Variants in ROBO2 observed in about 807,000 individuals in gnomAD.
ROBO2 encodes roundabout guidance receptor 2.
A neutral mutation model predicts 160.8 loss-of-function variants in ROBO2; 53 were observed. The observed-to-expected ratio is 0.33, with a 90% CI of 0.26 to 0.41. The LOEUF is 0.41. Among genes scored for constraint, ROBO2 ranks in the 10% least tolerant of loss-of-function variants. The pLI is 1.00. For missense variants in ROBO2, 1,577 were observed against 1,722.4 expected, an observed-to-expected ratio of 0.92 and a Z score of 1.49; for synonymous variants, 664 against 611.7, an observed-to-expected ratio of 1.09 and a Z score of -1.26.
At chr3:76,414,187 G>C (rs990418918) in intron 2 of ROBO2, among the ~76,000 whole-genome samples, 1 of 152,158 alleles carries the variant, frequency 6.6e-6, no homozygotes, top group Non-Finnish European at 1.5e-5. Context: ...AATTCTGGGA[G>C]ATACAATTCA....
intron 2 of ROBO2, among the ~76,000 whole-genome samples, chr3:76,206,658 G>A (rs2107291330): frequency 6.6e-6 from 1 of 151,610 alleles, no homozygotes; most frequent in South Asian, 2.1e-4. Flanking sequence ...GCAAGGAATA[G>A]TCTTGGGTAT....
At chr3:77,201,110 T>G (rs1206766777) in intron 2 of ROBO2, among the ~76,000 whole-genome samples, 1 of 152,200 alleles carries the variant, frequency 6.6e-6, no homozygotes, top group Non-Finnish European at 1.5e-5. Flanking sequence ...TATAACAACT[T>G]TGTAGGGTAA....
chr3:77,473,438 C>CTTTT, intron 2 of ROBO2, among the ~76,000 whole-genome samples: 1 of 98,012 alleles, frequency 1.0e-5, no homozygotes. Context: ...TTACAAACTG[C>CTTTT]TCTTTTTTTT....
intron 2 of ROBO2, among the ~76,000 whole-genome samples, chr3:77,423,003 T>C (rs1372247424): frequency 6.6e-6 from 1 of 152,180 alleles, no homozygotes; most frequent in Non-Finnish European, 1.5e-5. Context: ...TCTATGGCAG[T>C]CAGAGTTATA....
At position 76,039,744 on chromosome 3, in the gene ROBO2, C is replaced by A. The variant is rs559159633; in HGVS notation, c.109+102142C>A. On this transcript the variant is annotated intron_variant, in intron 2 of 26. Transcript: ENST00000487694. ...GTCAGTCTAAACTTACCTTGTTGAG[C>A]CTCTATAATTAGTATATGACTGATG... 2.6e-5 allele frequency among the ~76,000 whole-genome samples: 4 copies of A among 151,974 alleles called. No individual in the cohort carries two copies. The East Asian group carries it at 7.7e-4, about 29-fold the overall frequency.
At chr3:77,369,207 G>C (rs2071390006) in intron 2 of ROBO2, among the ~76,000 whole-genome samples, 1 of 152,162 alleles carries the variant, frequency 6.6e-6, no homozygotes, top group Non-Finnish European at 1.5e-5. Context: ...AGTCTCCCAA[G>C]TGCCCATCCT....
intron 2 of ROBO2, among the ~76,000 whole-genome samples, chr3:76,393,688 C>G (rs1163981516): frequency 6.6e-6 from 1 of 152,074 alleles, no homozygotes; most frequent in East Asian, 1.9e-4. Flanking sequence ...ACCCAGAAAC[C>G]ACATGGCCTG....
intron 2 of ROBO2, among the ~76,000 whole-genome samples, chr3:76,909,444 C>T (rs1183949896): frequency 6.6e-6 from 1 of 152,086 alleles, no homozygotes; most frequent in Non-Finnish European, 1.5e-5. Flanking sequence ...TAAAAGATGA[C>T]ATAATGAGTA....
At chr3:77,231,669 T>C (rs2087236458) in intron 2 of ROBO2, among the ~76,000 whole-genome samples, 1 of 152,116 alleles carries the variant, frequency 6.6e-6, no homozygotes, top group Admixed American at 6.6e-5. Flanking sequence ...CTCTACTGTT[T>C]TACCCCGCCG....
intron 6 of ROBO2, 146 bp downstream of exon 7, chr3:77,527,560 G>T (rs2091283836): frequency 2.0e-6 from 1 of 502,894 alleles, no homozygotes; most frequent in Non-Finnish European, 2.8e-6. Context: ...AGTTGCTCAT[G>T]TTTTTTTTAC....
At chr3:77,165,611 G>A (rs1255597909) in intron 2 of ROBO2, among the ~76,000 whole-genome samples, 1 of 151,708 alleles carries the variant, frequency 6.6e-6, no homozygotes, top group Non-Finnish European at 1.5e-5. Flanking sequence ...ATATTCATTA[G>A]TTGTCCACAT....
intron 2 of ROBO2, among the ~76,000 whole-genome samples, chr3:76,392,806 C>A (rs1283974212): frequency 6.6e-6 from 1 of 152,092 alleles, no homozygotes; most frequent in Non-Finnish European, 1.5e-5. Context: ...GGATAAAAAT[C>A]ACTTCAAAGG....
At chr3:77,075,469 G>A (rs1239608697) in intron 1 of ROBO2, among the ~76,000 whole-genome samples, 2 of 152,064 alleles carry the variant, frequency 1.3e-5, no homozygotes, top group South Asian at 2.1e-4. Context: ...AGCGGGGTAG[G>A]GTAGGGGAGA....
chr3:77,530,704 T>G (rs1190672267), intron 6 of ROBO2, among the ~76,000 whole-genome samples: 1 of 152,054 alleles, frequency 6.6e-6, no homozygotes, highest in African/African-American at 2.4e-5. Context: ...TAGGCAACTA[T>G]CACTTTAATA....
rs1398602630 is a variant in ROBO2 at position 77,588,616 on chromosome 3, T to C, written c.2501-135T>C. The C allele has an allele frequency of 6.1e-6, 5 of 813,422 alleles. No individual in the cohort carries two copies. The South Asian group carries it at 8.0e-5, about 13-fold the overall frequency. The allele number at this position is 813,422 out of a possible 1,614,324, so 50.4% of individuals were successfully genotyped here. ...GAAAATTATGGGCTATGCTTATCAA[T>C]ACTTGTGATAGGCTCAAAACTAAAC... On this transcript the variant is annotated intron_variant, in intron 16 of 25. Coordinates refer to ENST00000461745, the Ensembl canonical transcript of ROBO2.
At position 77,004,793 on chromosome 3, in the gene ROBO2, T is replaced by C. The variant is rs146934617; in HGVS notation, c.110-93221T>C. On this transcript the variant is annotated intron_variant, in intron 2 of 26. Transcript: ENST00000487694. ...TGATGATGACATAAACCATTCCTTC[T>C]ATAAAGTTAGACTCCATCCGCCTTA... Among the ~76,000 whole-genome samples the C allele has an allele frequency of 5.5e-3, 839 of 152,286 alleles. 6 individuals are homozygous for C. Among genetic ancestry groups the C allele is most frequent in the African/African-American group, 0.019 (803 of 41,562 alleles).
chr3:76,686,012 A>G (rs1053486227), intron 2 of ROBO2, among the ~76,000 whole-genome samples: 1 of 152,100 alleles, frequency 6.6e-6, no homozygotes, highest in Non-Finnish European at 1.5e-5. Flanking sequence ...GCGACGGTGA[A>G]TCACCCTCTT....
At chr3:76,807,525 AC>A (rs2064825105) in intron 2 of ROBO2, among the ~76,000 whole-genome samples, 1 of 152,068 alleles carries the variant, frequency 6.6e-6, no homozygotes, top group South Asian at 2.1e-4. Flanking sequence ...AAACTTATTA[AC>A]TCATCAAAAA....
intron 23 of ROBO2, among the ~76,000 whole-genome samples, chr3:77,623,505 C>T (rs2153706782): frequency 6.6e-6 from 1 of 152,334 alleles, no homozygotes; most frequent in East Asian, 1.9e-4. Context: ...TGATTTTCCT[C>T]TGTATTCCTC....
Sources: gnomAD v4.1 joint callset for allele counts (sites outside exome capture counted in the v4.1 genomes callset) on GRCh38, gnomAD v4.1.1 for gene constraint, MANE v1.5 for transcripts, NCBI Gene and HGNC (gene_info 2026-07-23, HGNC 2026-07-21) for gene names.